The following C12orf42 variants were observed in gnomAD, a reference collection of about 807,000 sequenced individuals.
The protein encoded by C12orf42 is uncharacterized protein C12orf42.
In C12orf42, 25 loss-of-function variants were observed where a neutral mutation model predicts 21.6. The observed-to-expected ratio is 1.16, with a 90% CI of 0.84 to 1.62. The LOEUF (loss-of-function observed/expected upper bound fraction) is 1.62, where lower values mean the gene tolerates loss of function less well. Ranked by LOEUF, C12orf42 falls within the 40% of genes most tolerant of loss-of-function variation. The pLI is 0.00. For synonymous variants in C12orf42, 174 were observed against 175.0 expected, an observed-to-expected ratio of 0.99 and a Z score of 0.05; for missense variants, 483 against 459.3, an observed-to-expected ratio of 1.05 and a Z score of -0.47.
At chr12:103,443,639 G>A (rs1326999845) in intron 2 of C12orf42, among the ~76,000 whole-genome samples, 1 of 151,986 alleles carries the variant, frequency 6.6e-6, no homozygotes, top group Non-Finnish European at 1.5e-5. Context: ...TTCTCTGCAG[G>A]TCAAACAAAA....
chr12:103,302,680 G>GAAAA (rs77313816), intron 5 of C12orf42, 121 bp from the exon 6 acceptor site: 1,251 of 467,784 alleles, frequency 2.7e-3, no homozygotes, highest in South Asian at 0.01. Context: ...AGAGGGGAAA[G>GAAAA]AAAAAAAAAA....
rs140814262 is a variant in C12orf42 at position 103,388,028 on chromosome 12, C to T, written c.147+13579G>A. Among the ~76,000 whole-genome samples, 321 of 152,252 alleles carry T rather than the reference C, an allele frequency of 2.1e-3. 1 individual carries two copies. The highest frequency in any genetic ancestry group is 7.4e-3 in the African/African-American group (309 of 41,536). ...AAAATAATCTCTTTTTAGATAATTG[C>T]TCAGCCAATTCAGAATTTAAACCCA... On this transcript the variant is annotated intron_variant, in intron 3 of 5. Coordinates refer to ENST00000548883, the MANE Select transcript of C12orf42 (RefSeq NM_198521.5).
At chr12:103,162,265 C>T in the C12orf42 span, among the ~76,000 whole-genome samples, 1 of 152,126 alleles carries the variant, frequency 6.6e-6, no homozygotes, top group Non-Finnish European at 1.5e-5. Flanking sequence ...TGGAGCAAGC[C>T]TGCGGGGGCC....
the C12orf42 span, among the ~76,000 whole-genome samples, chr12:103,119,657 A>T: frequency 9.2e-5 from 14 of 152,300 alleles, no homozygotes; most frequent in Non-Finnish European, 1.8e-4. Flanking sequence ...CTGACTTTTT[A>T]ACCATTAAAA....
At chr12:103,287,831 A>G (rs1396239149) in intron 4 of C12orf42, among the ~76,000 whole-genome samples, 1 of 151,942 alleles carries the variant, frequency 6.6e-6, no homozygotes, top group Non-Finnish European at 1.5e-5. Flanking sequence ...ACAGAGAGAG[A>G]AAGTTTGAGA....
chr12:103,436,006 G>A (rs1950673438), intron 2 of C12orf42, among the ~76,000 whole-genome samples: 1 of 151,316 alleles, frequency 6.6e-6, no homozygotes, highest in Admixed American at 6.6e-5. Flanking sequence ...AGAGAGAAAG[G>A]TCGGGATATC....
At chr12:103,292,854 T>G (rs12366555) in intron 4 of C12orf42, among the ~76,000 whole-genome samples, 4,291 of 152,138 alleles carry the variant, frequency 0.028, 108 homozygotes, top group Non-Finnish European at 0.044. Context: ...AAATGCAGCT[T>G]TTTCTCTTCT....
chr12:103,485,857 T>C (rs1436015723), intron 1 of C12orf42, among the ~76,000 whole-genome samples: 1 of 152,246 alleles, frequency 6.6e-6, no homozygotes, highest in African/African-American at 2.4e-5. Context: ...GCTTATCAGC[T>C]TAAGGAGACT....
intron 1 of C12orf42, among the ~76,000 whole-genome samples, chr12:103,482,476 T>C (rs951241755): frequency 2.6e-5 from 4 of 152,158 alleles, no homozygotes; most frequent in Non-Finnish European, 5.9e-5. Context: ...CATTTTGCTT[T>C]ATTTTGTTTT....
chr12:103,350,462 A>G (rs1176481001), intron 4 of C12orf42, among the ~76,000 whole-genome samples: 2 of 152,194 alleles, frequency 1.3e-5, no homozygotes, highest in African/African-American at 4.8e-5. Context: ...GCACCAACAC[A>G]CAAGAGTAGT....
chr12:103,285,972 G>A (rs907288960), intron 4 of C12orf42, among the ~76,000 whole-genome samples: 10 of 152,318 alleles, frequency 6.6e-5, no homozygotes, highest in Admixed American at 1.3e-4. Context: ...GAGGCCGGGC[G>A]TGGTGGCTCA....
At chr12:103,158,460 G>A in the C12orf42 span, among the ~76,000 whole-genome samples, 1 of 152,248 alleles carries the variant, frequency 6.6e-6, no homozygotes, top group South Asian at 2.1e-4. Context: ...GGCTGTGGAT[G>A]TTTTTGTTTT....
chr12:103,394,596 T>C (rs934057370), intron 3 of C12orf42, among the ~76,000 whole-genome samples: 1 of 152,202 alleles, frequency 6.6e-6, no homozygotes, highest in African/African-American at 2.4e-5. Flanking sequence ...CACGAAACCA[T>C]TGAACATAAT....
At chr12:103,238,960 G>A (rs950012062) in intron 10 of C12orf42, among the ~76,000 whole-genome samples, 1 of 152,220 alleles carries the variant, frequency 6.6e-6, no homozygotes, top group African/African-American at 2.4e-5. Context: ...GGCAGCTGAG[G>A]AGAATTGTGG....
intron 2 of C12orf42, among the ~76,000 whole-genome samples, chr12:103,422,978 C>G (rs1034919007): frequency 1.3e-5 from 2 of 152,166 alleles, no homozygotes; most frequent in African/African-American, 4.8e-5. Context: ...ACACTTGATG[C>G]TCTCATTATA....
At chr12:103,273,461 G>A (rs2035583776) in intron 5 of C12orf42, among the ~76,000 whole-genome samples, 1 of 152,058 alleles carries the variant, frequency 6.6e-6, no homozygotes, top group African/African-American at 2.4e-5. Flanking sequence ...GACTGTAATG[G>A]AGGGTGTTAT....
the C12orf42 span, among the ~76,000 whole-genome samples, chr12:103,116,411 CAT>C: frequency 1.4e-5 from 2 of 145,102 alleles, no homozygotes; most frequent in Admixed American, 6.9e-5. Context: ...TATACATATA[CAT>C]ATATATATAT....
the C12orf42 span, among the ~76,000 whole-genome samples, chr12:103,107,050 G>T: frequency 2.0e-5 from 3 of 151,748 alleles, no homozygotes; most frequent in African/African-American, 7.3e-5. Flanking sequence ...GTGATAAAAG[G>T]AATAATTTAC....
At chr12:103,264,339 G>A (rs2035059211), downstream of C12orf42, among the ~76,000 whole-genome samples, 1 of 150,760 alleles carries the variant, frequency 6.6e-6, no homozygotes, top group Non-Finnish European at 1.5e-5. Flanking sequence ...GCACTGTTGA[G>A]ATGGTTAGAA....
Sources: gnomAD v4.1 joint callset for allele counts (sites outside exome capture counted in the v4.1 genomes callset) on GRCh38, gnomAD v4.1.1 for gene constraint, MANE v1.5 for transcripts, NCBI Gene and HGNC (gene_info 2026-07-23, HGNC 2026-07-21) for gene names.